Variants in UBE2F observed in about 807,000 individuals in gnomAD.
UBE2F encodes the protein NEDD8-conjugating enzyme UBE2F.
UBE2F carries 5 observed loss-of-function variants against 29.6 expected under a neutral mutation model. The ratio of observed to expected loss-of-function variants is 0.17; its 90% CI spans 0.09 to 0.36. UBE2F has a LOEUF of 0.36. UBE2F is among the 10% of genes least tolerant of loss of function. The pLI is 1.00. For missense variants in UBE2F, 141 were observed against 228.5 expected, an observed-to-expected ratio of 0.62 and a Z score of 2.47; for synonymous variants, 66 against 81.8, an observed-to-expected ratio of 0.81 and a Z score of 1.04.
intron 1 of UBE2F, among the ~76,000 whole-genome samples, chr2:237,970,103 G>A (rs1469682524): frequency 6.6e-6 from 1 of 152,168 alleles, no homozygotes; most frequent in East Asian, 1.9e-4. Flanking sequence ...GGTGGCTCAC[G>A]TCTGTAGTCC....
intron 8 of UBE2F, among the ~76,000 whole-genome samples, chr2:238,034,189 C>T (rs963212521): frequency 7.3e-5 from 11 of 151,710 alleles, no homozygotes; most frequent in African/African-American, 1.5e-4. Flanking sequence ...CTTTAGGAGG[C>T]GCTGAGGCCA....
At chr2:237,971,867 G>A (rs1473781133) in intron 1 of UBE2F, among the ~76,000 whole-genome samples, 1 of 152,232 alleles carries the variant, frequency 6.6e-6, no homozygotes, top group Non-Finnish European at 1.5e-5. Context: ...GGGGAAGGAT[G>A]TGCATGTGTT....
chr2:237,986,850 T>C (rs1004965788), intron 2 of UBE2F, among the ~76,000 whole-genome samples: 1 of 152,222 alleles, frequency 6.6e-6, no homozygotes, highest in Non-Finnish European at 1.5e-5. Flanking sequence ...TTCTGGATTC[T>C]ATTTTCTGTT....
intron 4 of UBE2F, among the ~76,000 whole-genome samples, chr2:237,999,000 A>C (rs7563768): frequency 0.3 from 44,907 of 152,060 alleles, 8,257 homozygotes; most frequent in Admixed American, 0.41. Flanking sequence ...CATGAGCTGC[A>C]GATATTTTCT....
chr2:238,012,098 G>A (rs527459252), intron 4 of UBE2F, among the ~76,000 whole-genome samples: 1 of 147,818 alleles, frequency 6.8e-6, no homozygotes, highest in Admixed American at 6.8e-5. Context: ...TGCTCAGGCT[G>A]GTCTCAAACT....
At chr2:237,969,386 A>G (rs1157050728) in intron 1 of UBE2F, among the ~76,000 whole-genome samples, 1 of 152,170 alleles carries the variant, frequency 6.6e-6, no homozygotes, top group East Asian at 1.9e-4. Flanking sequence ...AGCCTCCTTC[A>G]GGGAGCTGCA....
intron 3 of UBE2F, among the ~76,000 whole-genome samples, chr2:237,988,410 T>C (rs1452734432): frequency 1.3e-5 from 2 of 150,682 alleles, no homozygotes; most frequent in Non-Finnish European, 2.9e-5. Flanking sequence ...ATCAGGCCAC[T>C]GCACTCCAAC....
chr2:238,036,085 A>G, intron 9 of UBE2F, 145 bp downstream of exon 9: 1 of 694,736 alleles, frequency 1.4e-6, no homozygotes. Context: ...TGTAAACAAT[A>G]TGGTATAGTA....
chr2:238,015,827 G>A (rs902275557), intron 4 of UBE2F, among the ~76,000 whole-genome samples: 79 of 152,246 alleles, frequency 5.2e-4, no homozygotes, highest in Middle Eastern at 3.4e-3. Flanking sequence ...AGTGCCCTCT[G>A]CTGGCACCAG....
At chr2:237,991,622 T>TTTTTTTTTTTTTTTTTTTA (rs2063592809) in intron 3 of UBE2F, among the ~76,000 whole-genome samples, 1 of 138,860 alleles carries the variant, frequency 7.2e-6, no homozygotes, top group South Asian at 2.3e-4. Flanking sequence ...TTTTTTTTTT[T>TTTTTTTTTTTTTTTTTTTA]GAGACAGTCT....
intron 4 of UBE2F, among the ~76,000 whole-genome samples, chr2:238,005,263 A>T (rs1004927730): frequency 2.0e-5 from 3 of 152,136 alleles, no homozygotes; most frequent in Non-Finnish European, 2.9e-5. Context: ...TGTCACGATC[A>T]TGGCTCACTG....
At chr2:237,969,159 T>C (rs1012386266) in intron 1 of UBE2F, among the ~76,000 whole-genome samples, 5 of 152,244 alleles carry the variant, frequency 3.3e-5, no homozygotes, top group African/African-American at 9.6e-5. Flanking sequence ...TTCTTTTATA[T>C]CTTGCAAGTC....
At chr2:237,986,137 C>CT in intron 2 of UBE2F, 2 of 307,574 alleles carry the variant, frequency 6.5e-6, no homozygotes, top group South Asian at 2.3e-5. Flanking sequence ...ACTACCTTTT[C>CT]TTTTCTTTTT....
At position 238,016,583 on chromosome 2, in the gene UBE2F, G is replaced by T. The variant is rs1355357850; in HGVS notation, c.232G>T (p.Gly78Cys). ...TVTPDEGYYQGGKFQFETEVP... is the reference protein window; with the variant it reads ...TVTPDEGYYQCGKFQFETEVP... Reference sequence around the variant, plus strand: ...TTTGATAGATGAGGGTTACTACCAGGGTGGAAAATTTCAGTTTGAAACTGA... The same window carrying T: ...TTTGATAGATGAGGGTTACTACCAGTGTGGAAAATTTCAGTTTGAAACTGA... The change falls in exon 5 of 10, where the codon GGT (glycine) becomes TGT (cysteine). Residue 78 changes from glycine (G) to cysteine (C), a missense_variant. Physicochemically the swap from Gly to Cys is radical, Grantham distance 159. Transcript: ENST00000272930. 32 of 1,613,052 alleles carry T rather than the reference G, an allele frequency of 2.0e-5. No homozygotes were observed. The highest frequency in any genetic ancestry group is 2.4e-5 in the Non-Finnish European group (28 of 1,179,662).
intron 5 of UBE2F, among the ~76,000 whole-genome samples, chr2:238,021,125 C>T (rs1408128312): frequency 6.6e-6 from 1 of 152,218 alleles, no homozygotes; most frequent in Non-Finnish European, 1.5e-5. Context: ...AGGATTACAG[C>T]TCTTTGTTCT....
chr2:238,008,318 G>A (rs1196830483), intron 4 of UBE2F, among the ~76,000 whole-genome samples: 1 of 152,148 alleles, frequency 6.6e-6, no homozygotes, highest in Non-Finnish European at 1.5e-5. Flanking sequence ...CTGGAATTTT[G>A]TTTTGTTGTG....
intron 4 of UBE2F, chr2:238,003,360 C>G (rs1196690542): frequency 4.2e-6 from 2 of 470,998 alleles, no homozygotes; most frequent in Middle Eastern, 3.2e-4. Flanking sequence ...CTCCTTGCTC[C>G]TTCCAAGAAT....
chr2:238,029,757 C>T (rs545293163), intron 6 of UBE2F, among the ~76,000 whole-genome samples: 2 of 152,344 alleles, frequency 1.3e-5, no homozygotes, highest in African/African-American at 2.4e-5. Flanking sequence ...CGTGTCTTCT[C>T]TGTGCCTTGG....
At chr2:238,035,850 G>A (rs1375640933) in intron 8 of UBE2F, 28 bp from the exon 9 acceptor site, 1 of 1,588,626 alleles carries the variant, frequency 6.3e-7, no homozygotes, top group East Asian at 2.2e-5. Flanking sequence ...TTCTCCCAAT[G>A]TTTACTTTAA....
Sources: allele counts gnomAD v4.1 joint callset (sites outside exome capture counted in the v4.1 genomes callset), GRCh38; gene constraint gnomAD v4.1.1; transcripts MANE v1.5; gene names NCBI Gene and HGNC (gene_info 2026-07-23, HGNC 2026-07-21).